LLGL2: variants seen among roughly 807,000 people sequenced by gnomAD.
LLGL2 encodes LLGL scribble cell polarity complex component 2, also known as LLGL2, scribble cell polarity complex component.
Under a neutral mutation model 123.2 loss-of-function variants are expected in LLGL2, and 81 were observed. That is an observed-to-expected ratio of 0.66 (90% CI 0.55 to 0.79). The LOEUF is 0.79. LLGL2 is among the 30% of genes least tolerant of loss of function. LLGL2 has a pLI of 0.00. For synonymous variants in LLGL2, 577 were observed against 594.1 expected (o/e 0.97, Z 0.42); for missense variants, 1,273 against 1,414.6 (o/e 0.90, Z 1.61).
chr17:75,561,230 G>A (rs2055205305), intron 6 of LLGL2, among the ~76,000 whole-genome samples: 1 of 152,180 alleles, frequency 6.6e-6, no homozygotes, highest in African/African-American at 2.4e-5. Context: ...AGAAGTCTCT[G>A]TCCTAAAGAT....
intron 1 of LLGL2, among the ~76,000 whole-genome samples, chr17:75,538,321 ATCTC>A (rs1163476951): frequency 6.6e-6 from 1 of 152,236 alleles, no homozygotes; most frequent in African/African-American, 2.4e-5. Context: ...CCACTTTGTC[ATCTC>A]TCTCATGTCA....
chr17:75,532,343 T>A (rs1436579922), intron 1 of LLGL2: 1 of 152,062 alleles, frequency 6.6e-6, no homozygotes. Flanking sequence ...CTCCGCCTCC[T>A]GGGTTCACAC....
In LLGL2 at chr17:75,573,229, G is replaced by A; in HGVS notation, c.2676G>A (p.Arg892=). 2 of 1,610,746 alleles carry A rather than the reference G, an allele frequency of 1.2e-6. No individual in the cohort carries two copies. Among genetic ancestry groups the A allele is most frequent in the South Asian group, 1.1e-5 (1 of 91,018 alleles). The part of the protein sequence containing the change: ...KPQVRYSCIR[R]EDVSGIASCV... ...AGGTGCGCTACAGCTGCATCCGCCGGGAGGACGTCAGTGGCATCGCCTCCT... is the reference window on the plus strand; with the variant it reads ...AGGTGCGCTACAGCTGCATCCGCCGAGAGGACGTCAGTGGCATCGCCTCCT... Residue 892 remains arginine (R), a synonymous_variant, in exon 20 of 26, where the codon CGG becomes CGA. Coordinates refer to ENST00000392550, the MANE Select transcript of LLGL2 (RefSeq NM_001031803.2).
At chr17:75,527,155 G>A (rs1366231705) in intron 1 of LLGL2, among the ~76,000 whole-genome samples, 3 of 125,260 alleles carry the variant, frequency 2.4e-5, no homozygotes, top group African/African-American at 9.6e-5. Flanking sequence ...GGGACAGAGT[G>A]AGACCCTGTC....
In LLGL2 at chr17:75,573,551, G is replaced by A. The variant is rs745729649; in HGVS notation, c.2796G>A (p.Arg932=). 5.6e-6 allele frequency: 9 copies of A among 1,612,932 alleles called. No individual in the cohort carries two copies. Among genetic ancestry groups the A allele is most frequent in the South Asian group, 5.5e-5 (5 of 91,090 alleles). The change falls in exon 21 of 26, where the codon CGG becomes CGA. Residue 932 remains arginine, a synonymous_variant. Coordinates refer to ENST00000392550, the MANE Select transcript of LLGL2 (RefSeq NM_001031803.2). The part of the protein sequence containing the change: ...SLSTKWLVEP[R]CLVDSAETKN... ...CCACCAAGTGGCTGGTGGAGCCCCG[G>A]TGTCTGGTGGATTCAGCAGAAACCA...
rs149872378 is a variant in LLGL2, at chr17:75,558,819, A to G, written c.371+192A>G. ...GGGCTGCAGCCTGCCTCCTCCATCC[A>G]CACCACGCCTCCTCCATCCGCACCC... is the stretch of plus-strand genomic sequence containing the variant. On this transcript the variant is annotated intron_variant, in intron 5 of 25. Coordinates refer to ENST00000392550, the MANE Select transcript of LLGL2 (RefSeq NM_001031803.2). The surrounding 1 kb of genome is among the most constrained non-coding windows in gnomAD (Gnocchi z 4.0). Among the ~76,000 whole-genome samples, 1,235 of 118,702 alleles carry G rather than the reference A, an allele frequency of 0.01. 31 individuals are homozygous for G. The highest frequency in any genetic ancestry group is 0.039 in the African/African-American group (1,114 of 28,558). 77.9% of individuals were successfully genotyped at this position (118,702 alleles called of 152,430 possible).
chr17:75,553,463 T>C lies in LLGL2; in HGVS notation c.76-2583T>C, dbSNP rs2054769168. 2.0e-5 allele frequency among the ~76,000 whole-genome samples: 3 copies of C among 152,194 alleles called. 1 individual carries two copies. Among genetic ancestry groups the C allele is most frequent in the East Asian group, 3.9e-4 (2 of 5,194 alleles). On this transcript the variant is annotated intron_variant, in intron 2 of 25. Transcript: ENST00000392550. ...GACTGATGGGGGAGGCAGGTAGCAA[T>C]TGGGTTTGCTAAGCTATCATTGCTA...
intron 2 of LLGL2, 54 bp downstream of exon 2, chr17:75,543,555 A>C: frequency 1.5e-4 from 225 of 1,468,588 alleles, no homozygotes; most frequent in Non-Finnish European, 1.9e-4. Flanking sequence ...CAAGCAGCTC[A>C]GGCTGGGGCT....
intron 2 of LLGL2, among the ~76,000 whole-genome samples, chr17:75,554,142 A>G (rs2054797494): frequency 1.3e-5 from 2 of 152,102 alleles, no homozygotes; most frequent in South Asian, 4.1e-4. Flanking sequence ...TCTCTACTGA[A>G]AATACAAAAA....
At chr17:75,546,468 T>C (rs116293487) in intron 2 of LLGL2, 3,535 of 177,290 alleles carry the variant, frequency 0.02, 136 homozygotes, top group African/African-American at 0.08. Flanking sequence ...AGGCCACGTC[T>C]GGCTGGCGGC....
In LLGL2 at chr17:75,559,918, A is replaced by G. The variant is rs1275453223; in HGVS notation, c.530+508A>G. ...CTCCTTGTTGATGATACTACATTAG[A>G]GAGGGAGTTGGATCAGGTCCGGGTG... On this transcript the variant is annotated intron_variant, in intron 6 of 25. Coordinates refer to ENST00000392550, the MANE Select transcript of LLGL2 (RefSeq NM_001031803.2). This position sits in a 1 kb window ranked among gnomAD's most constrained non-coding sequence, Gnocchi z 4.6. Among the ~76,000 whole-genome samples the G allele has an allele frequency of 6.6e-6, 1 of 152,128 alleles. No individual in the cohort carries two copies. The highest frequency in any genetic ancestry group is 2.4e-5 in the African/African-American group (1 of 41,424).
chr17:75,558,906 GCCTCCTCCATCCGCACCCCA>G lies in LLGL2; in HGVS notation c.371+299_372-307del, dbSNP rs1264491478. The G allele has an allele frequency of 9.5e-3, 2,550 of 267,660 alleles. 176 individuals are homozygous for G. The highest frequency in any genetic ancestry group is 0.043 in the African/African-American group (1,274 of 29,336). The allele number at this position is 267,660 out of a possible 1,614,324, so 16.6% of individuals were successfully genotyped here. On this transcript the variant is annotated intron_variant, in intron 5 of 25. Coordinates refer to ENST00000392550, the MANE Select transcript of LLGL2 (RefSeq NM_001031803.2). The surrounding 1 kb of genome is among the most constrained non-coding windows in gnomAD (Gnocchi z 4.0). ...ACCCCACCTCCTCCATCCACACCAC[GCCTCCTCCATCCGCACCCCA>G]CCTCCTCCATCCGCACCCCGCCTCC...
Position 75,571,765 on chromosome 17 carries a change from C to T in LLGL2, c.2275C>T (p.Pro759Ser), listed in dbSNP as rs1661715. The change falls in exon 18 of 26, where the codon CCT becomes TCT. Residue 759 changes from proline (P) to serine (S), a missense_variant. Pro to Ser is a moderately conservative substitution (Grantham distance 74). Transcript: ENST00000392550. ...VPPAERRMDE[P>S]VRAEQAKEIQ... Reference sequence around the variant, plus strand: ...TCCCGCCGAGCGGAGAATGGATGAGCCTGTGCGGGCAGAGCAGGGTGAGTG... The same window carrying T: ...TCCCGCCGAGCGGAGAATGGATGAGTCTGTGCGGGCAGAGCAGGGTGAGTG... The T allele has an allele frequency of 0.29, 462,312 of 1,606,432 alleles. 71,078 individuals carry two copies. Among genetic ancestry groups the T allele is most frequent in the African/African-American group, 0.56 (41,873 of 74,938 alleles).
intron 10 of LLGL2, among the ~76,000 whole-genome samples, chr17:75,565,303 G>A (rs1433936894): frequency 6.6e-6 from 1 of 152,244 alleles, no homozygotes; most frequent in Non-Finnish European, 1.5e-5. Flanking sequence ...AGCCCTGCAG[G>A]AGCTCTCCAG....
intron 2 of LLGL2, among the ~76,000 whole-genome samples, chr17:75,543,731 G>T (rs2147205926): frequency 6.6e-6 from 1 of 152,254 alleles, no homozygotes; most frequent in Non-Finnish European, 1.5e-5. Context: ...TTCACTGGCT[G>T]TGTGACCTCT....
At chr17:75,571,233 G>A (rs1238472330) in intron 17 of LLGL2, 133 bp downstream of exon 17, 6 of 846,268 alleles carry the variant, frequency 7.1e-6, no homozygotes, top group Non-Finnish European at 9.4e-6. Flanking sequence ...AGCAGGGGCA[G>A]ACTGCAGCCC....
At chr17:75,527,214 G>A (rs1431793690) in intron 1 of LLGL2, among the ~76,000 whole-genome samples, 1 of 151,266 alleles carries the variant, frequency 6.6e-6, no homozygotes, top group Admixed American at 6.6e-5. Flanking sequence ...GTCTGGGTCT[G>A]TGTGAGCAGA....
At chr17:75,554,302 C>CAAAAAA (rs72439797) in intron 2 of LLGL2, among the ~76,000 whole-genome samples, 1 of 133,962 alleles carries the variant, frequency 7.5e-6, no homozygotes. Flanking sequence ...AACTCCGTCT[C>CAAAAAA]AAAAAAAAAA....
At chr17:75,529,923 G>C (rs2147074245) in intron 1 of LLGL2, among the ~76,000 whole-genome samples, 1 of 152,288 alleles carries the variant, frequency 6.6e-6, no homozygotes. Context: ...TTCAGGTGTA[G>C]TTTTGACTCG....
Sources: gnomAD v4.1 joint callset for allele counts (sites outside exome capture counted in the v4.1 genomes callset) on GRCh38, gnomAD v4.1.1 for gene constraint, Gnocchi (gnomAD v3.1) non-coding constraint, MANE v1.5 for transcripts, NCBI Gene and HGNC (gene_info 2026-07-23, HGNC 2026-07-21) for gene names.